SCAPER: variants seen among roughly 807,000 people sequenced by gnomAD.
The protein encoded by SCAPER is S phase cyclin A-associated protein in the endoplasmic reticulum.
A neutral mutation model predicts 182.2 loss-of-function variants in SCAPER; 98 were observed. That is an observed-to-expected ratio of 0.54 (90% CI 0.46 to 0.64). SCAPER has a LOEUF of 0.64. Among genes scored for constraint, SCAPER ranks in the 30% least tolerant of loss-of-function variants. SCAPER has a pLI of 0.00. For missense variants in SCAPER, 1,432 were observed against 1,690.0 expected, an observed-to-expected ratio of 0.85 and a Z score of 2.68; for synonymous variants, 605 against 564.6, an observed-to-expected ratio of 1.07 and a Z score of -1.01.
intron 21 of SCAPER, among the ~76,000 whole-genome samples, chr15:76,639,852 T>A (rs935019092): frequency 3.3e-5 from 5 of 152,164 alleles, no homozygotes; most frequent in African/African-American, 1.2e-4. Flanking sequence ...AAGATGCATA[T>A]TAGTTCAAAA....
At chr15:76,620,933 G>A (rs7169394) in intron 22 of SCAPER, among the ~76,000 whole-genome samples, 57,972 of 151,836 alleles carry the variant, frequency 0.38, 13,066 homozygotes, top group Middle Eastern at 0.52. Context: ...GGGTTGACAG[G>A]TACAGCAAAC....
intron 23 of SCAPER, among the ~76,000 whole-genome samples, chr15:76,527,441 T>C (rs1313101883): frequency 6.6e-6 from 1 of 152,210 alleles, no homozygotes. Flanking sequence ...CCAGCACTGA[T>C]ACTGAAGATA....
At chr15:76,665,555 A>C in intron 21 of SCAPER, 98 bp downstream of exon 21, 1 of 1,380,270 alleles carries the variant, frequency 7.2e-7, no homozygotes, top group Non-Finnish European at 9.6e-7. Context: ...GGCTTTCATG[A>C]AGCAAACAAC....
At chr15:76,857,310 G>A (rs2071475421) in intron 4 of SCAPER, among the ~76,000 whole-genome samples, 1 of 152,004 alleles carries the variant, frequency 6.6e-6, no homozygotes, top group Admixed American at 6.6e-5. Context: ...ACACATGACT[G>A]TAGTTCCAGG....
At chr15:76,842,012 C>T in intron 4 of SCAPER, 81 bp from the exon 5 acceptor site, 4 of 1,259,172 alleles carry the variant, frequency 3.2e-6, no homozygotes, top group Non-Finnish European at 3.3e-6. Context: ...ATTCAATCAA[C>T]TACAAATCAA....
At chr15:76,702,161 T>TCAAAA (rs1598256710) in intron 19 of SCAPER, among the ~76,000 whole-genome samples, 3 of 143,174 alleles carry the variant, frequency 2.1e-5, no homozygotes, top group South Asian at 2.2e-4. Flanking sequence ...ATACTCCATC[T>TCAAAA]CAAAACAAAA....
intron 5 of SCAPER, among the ~76,000 whole-genome samples, chr15:76,816,295 C>A (rs2067072391): frequency 6.6e-6 from 1 of 152,178 alleles, no homozygotes; most frequent in African/African-American, 2.4e-5. Flanking sequence ...AAAACACAAA[C>A]ACATTGTACA....
chr15:76,899,878 C>A (rs1290836251), intron 1 of SCAPER, among the ~76,000 whole-genome samples: 2 of 152,118 alleles, frequency 1.3e-5, no homozygotes, highest in Non-Finnish European at 2.9e-5. Flanking sequence ...GCCATGATGA[C>A]GATGGCGGTT....
At chr15:76,714,578 T>C (rs2059786364) in intron 17 of SCAPER, among the ~76,000 whole-genome samples, 1 of 151,916 alleles carries the variant, frequency 6.6e-6, no homozygotes, top group African/African-American at 2.4e-5. Context: ...GTAGTAGTAG[T>C]AGTGATTTGG....
chr15:76,733,247 T>A lies in SCAPER; in HGVS notation c.2004A>T (p.Ala668=), dbSNP rs76412233. Residue 668 remains alanine, a synonymous_variant, in exon 16 of 32, where the codon GCA becomes GCT. Coordinates refer to ENST00000563290, the MANE Select transcript of SCAPER (RefSeq NM_020843.4). ...ERQRRQEEKQ[A]RDEAVQERKR... ...ATCCTACCTGCACAGCTTCATCACGTGCTTGCTTTTCTTCCTGTCTTCTCT... is the reference window on the plus strand; with the variant it reads ...ATCCTACCTGCACAGCTTCATCACGAGCTTGCTTTTCTTCCTGTCTTCTCT... 2,379 of 1,581,198 alleles carry A rather than the reference T, an allele frequency of 1.5e-3. 32 individuals carry two copies. The African/African-American group carries it at 0.029, about 19-fold the overall frequency.
intron 24 of SCAPER, among the ~76,000 whole-genome samples, chr15:76,476,396 TCCTTCCTTTC>T (rs1222613852): frequency 2.0e-5 from 3 of 151,982 alleles, no homozygotes; most frequent in Non-Finnish European, 2.9e-5. Context: ...ATTTTCTTTT[TCCTTCCTTTC>T]CCTTCCTTTC....
At chr15:76,621,867 G>A (rs371325823) in intron 21 of SCAPER, 38 bp from the exon 22 acceptor site, 34 of 1,451,184 alleles carry the variant, frequency 2.3e-5, no homozygotes, top group African/African-American at 1.5e-4. Context: ...TTATTTCACT[G>A]CTAATTTTTA....
intron 20 of SCAPER, among the ~76,000 whole-genome samples, chr15:76,681,496 C>T (rs567323119): frequency 1.3e-5 from 2 of 152,146 alleles, no homozygotes; most frequent in Non-Finnish European, 2.9e-5. Flanking sequence ...ACATCTATCA[C>T]CCAGTGATTG....
At chr15:76,391,527 C>T (rs1271476072) in intron 27 of SCAPER, among the ~76,000 whole-genome samples, 1 of 152,164 alleles carries the variant, frequency 6.6e-6, no homozygotes, top group Non-Finnish European at 1.5e-5. Context: ...CTGATCTTAG[C>T]AAGGCATGCC....
At chr15:76,530,646 G>A in intron 23 of SCAPER, among the ~76,000 whole-genome samples, 1 of 152,136 alleles carries the variant, frequency 6.6e-6, no homozygotes, top group African/African-American at 2.4e-5. Context: ...TATCTGCACA[G>A]TTTCTGAGTT....
chr15:76,862,769 T>G (rs1439405021), intron 2 of SCAPER, among the ~76,000 whole-genome samples: 1 of 151,956 alleles, frequency 6.6e-6, no homozygotes, highest in Non-Finnish European at 1.5e-5. Context: ...TAATCTAAGG[T>G]TTGAAAAAGT....
chr15:76,484,659 A>C (rs991323776), intron 24 of SCAPER, among the ~76,000 whole-genome samples: 1 of 152,052 alleles, frequency 6.6e-6, no homozygotes, highest in Non-Finnish European at 1.5e-5. Context: ...ATCACCTCAT[A>C]GAATATGCTG....
intron 4 of SCAPER, among the ~76,000 whole-genome samples, chr15:76,856,712 T>C (rs904312199): frequency 6.6e-6 from 1 of 151,660 alleles, no homozygotes; most frequent in African/African-American, 2.4e-5. Flanking sequence ...GTCCAAAAAA[T>C]CAAAAGTTAG....
At chr15:76,779,841 T>C (rs956776613) in intron 8 of SCAPER, among the ~76,000 whole-genome samples, 3 of 152,174 alleles carry the variant, frequency 2.0e-5, no homozygotes, top group Non-Finnish European at 4.4e-5. Context: ...TTATAAGCTA[T>C]GACCAAGTGA....
Sources: gnomAD v4.1 joint callset for allele counts (sites outside exome capture counted in the v4.1 genomes callset) on GRCh38, gnomAD v4.1.1 for gene constraint, MANE v1.5 for transcripts, NCBI Gene and HGNC (gene_info 2026-07-23, HGNC 2026-07-21) for gene names.